Variants in CHMP3 observed in about 807,000 individuals in gnomAD.
CHMP3 encodes the protein 25.1 protein.
Under a neutral mutation model 27.4 loss-of-function variants are expected in CHMP3, and 8 were observed. The ratio of observed to expected loss-of-function variants is 0.29; its 90% CI spans 0.17 to 0.53. CHMP3 has a LOEUF of 0.53. Among genes scored for constraint, CHMP3 ranks in the 20% least tolerant of loss-of-function variants. The pLI is 0.96. For synonymous variants in CHMP3, 86 were observed against 85.5 expected (o/e 1.01, Z -0.03); for missense variants, 208 against 271.5 (o/e 0.77, Z 1.64).
intron 1 of CHMP3, among the ~76,000 whole-genome samples, chr2:86,559,514 T>C (rs1677264224): frequency 6.6e-6 from 1 of 152,258 alleles, no homozygotes; most frequent in Admixed American, 6.5e-5. Context: ...ATCCCTGCTT[T>C]ATTGGCACCT....
chr2:86,542,605 G>C (rs7608800), intron 1 of CHMP3, among the ~76,000 whole-genome samples: 29,760 of 152,102 alleles, frequency 0.2, 3,782 homozygotes, highest in African/African-American at 0.35. Flanking sequence ...ACAAAGATTT[G>C]AAGAGGTCCA....
At chr2:86,523,682 C>T (rs1198930980) in intron 3 of CHMP3, among the ~76,000 whole-genome samples, 6 of 152,178 alleles carry the variant, frequency 3.9e-5, no homozygotes, top group Non-Finnish European at 4.4e-5. Context: ...CTCCCTTCCA[C>T]TCTCTCCTCT....
Position 86,533,509 on chromosome 2 carries a change from A to AT in CHMP3, c.107-4113dup, listed in dbSNP as rs957762369. Among the ~76,000 whole-genome samples, 460 of 146,614 alleles carry AT rather than the reference A, an allele frequency of 3.1e-3. 6 individuals are homozygous for AT. The highest frequency in any genetic ancestry group is 0.01 in the African/African-American group (414 of 40,114). The stretch of plus-strand genomic sequence containing the variant: ...TTGAAAGCCAGGTTGCTCATCTGAG[A>AT]TTTTTTTTTTTGAGACAGGGTTTCA... On this transcript the variant is annotated intron_variant, in intron 2 of 5. Transcript: ENST00000263856.
intron 2 of CHMP3, among the ~76,000 whole-genome samples, chr2:86,530,793 T>A (rs1467847333): frequency 6.6e-6 from 1 of 152,246 alleles, no homozygotes; most frequent in South Asian, 2.1e-4. Context: ...ACTAACAGTA[T>A]ACAAAGTTCC....
At position 86,504,651 on chromosome 2, in the gene CHMP3, T is replaced by C. The variant is rs1386964066; in HGVS notation, c.*1153A>G. ...CATGAACCACCGCACCCAGCCAAGA[T>C]TGCCATTTTGTATGATGAGACTGGA... On this transcript the variant is annotated 3_prime_UTR_variant, in exon 6 of 6. Transcript: ENST00000263856. 6.6e-6 allele frequency: 1 copy of C among 151,874 alleles called. No homozygotes were observed. Among genetic ancestry groups the C allele is most frequent in the East Asian group, 1.9e-4 (1 of 5,168 alleles). The allele number at this position is 151,874 out of a possible 1,614,324, so 9.4% of individuals were successfully genotyped here.
chr2:86,549,692 G>C (rs1219735327), intron 1 of CHMP3, among the ~76,000 whole-genome samples: 1 of 146,168 alleles, frequency 6.8e-6, no homozygotes, highest in Non-Finnish European at 1.5e-5. Flanking sequence ...GCCGGGCAGA[G>C]ACGCCCCTCA....
rs60555193 is a variant in CHMP3 at position 86,535,994 on chromosome 2, C to CTTTTTTT, written c.106+6251_106+6257dup. On this transcript the variant is annotated intron_variant, in intron 2 of 5. Transcript: ENST00000263856. The stretch of plus-strand genomic sequence containing the variant: ...ACAAAAAGTAGAGTTATAAACCTTT[C>CTTTTTTT]TTTTTTTTTTTTTTTTTTTGAGACG... 2.0e-3 allele frequency among the ~76,000 whole-genome samples: 228 copies of CTTTTTTT among 111,504 alleles called. 5 individuals carry two copies. Among genetic ancestry groups the CTTTTTTT allele is most frequent in the East Asian group, 3.5e-3 (13 of 3,750 alleles). 73.2% of individuals were successfully genotyped at this position (111,504 alleles called of 152,430 possible).
chr2:86,518,825 GAGATAA>G (rs1338627529), intron 3 of CHMP3, among the ~76,000 whole-genome samples: 3 of 152,174 alleles, frequency 2.0e-5, no homozygotes, highest in African/African-American at 7.2e-5. Context: ...TACTGCAACT[GAGATAA>G]AGTTTAGCTG....
In CHMP3 at chr2:86,563,412, C is replaced by G. The variant is rs1034132565; in HGVS notation, c.-64G>C. ...TCCCCGCGCCCAGGCAGGTCACGGGCAGCCGCCTGGGCGGGGCCCGCGGAA... is the reference window on the plus strand; with the variant it reads ...TCCCCGCGCCCAGGCAGGTCACGGGGAGCCGCCTGGGCGGGGCCCGCGGAA... On this transcript the variant is annotated 5_prime_UTR_variant, in exon 1 of 6. Transcript: ENST00000263856. 4 of 1,586,922 alleles carry G rather than the reference C, an allele frequency of 2.5e-6. No homozygotes were observed. In the African/African-American group the frequency reaches 5.4e-5, roughly 21 times the overall value.
At chr2:86,536,956 G>A (rs1161052386) in intron 2 of CHMP3, among the ~76,000 whole-genome samples, 1 of 151,942 alleles carries the variant, frequency 6.6e-6, no homozygotes, top group Non-Finnish European at 1.5e-5. Flanking sequence ...GCAATGGCAT[G>A]ATCATGGCTT....
At position 86,516,126 on chromosome 2, in the gene CHMP3, G is replaced by A. The variant is rs148780397; in HGVS notation, c.287-5647C>T. On this transcript the variant is annotated intron_variant, in intron 3 of 5. Transcript: ENST00000263856. ...TCGCACCACTGCACTCCAGCCTGGC[G>A]ACAGAGCAAGACTCCATCTCAAAAA... is the stretch of plus-strand genomic sequence containing the variant. 7.0e-3 allele frequency among the ~76,000 whole-genome samples: 860 copies of A among 122,358 alleles called. 5 individuals are homozygous for A. The highest frequency in any genetic ancestry group is 0.025 in the African/African-American group (822 of 33,548). The allele number at this position is 122,358 out of a possible 152,430, so 80.3% of individuals were successfully genotyped here.
intron 2 of CHMP3, among the ~76,000 whole-genome samples, chr2:86,537,251 T>C (rs1198876419): frequency 6.6e-6 from 1 of 152,180 alleles, no homozygotes; most frequent in Non-Finnish European, 1.5e-5. Context: ...CCTGCTCAAA[T>C]ATGCTTTTGA....
At chr2:86,517,627 T>C (rs1383696777) in intron 3 of CHMP3, among the ~76,000 whole-genome samples, 1 of 150,674 alleles carries the variant, frequency 6.6e-6, no homozygotes, top group African/African-American at 2.4e-5. Flanking sequence ...AGTGAAAATA[T>C]TCTGAAAAGA....
At chr2:86,546,230 G>A (rs1299945468) in intron 1 of CHMP3, among the ~76,000 whole-genome samples, 3 of 152,036 alleles carry the variant, frequency 2.0e-5, no homozygotes, top group Non-Finnish European at 2.9e-5. Context: ...CAGGTGTGGC[G>A]GTGCGTGCCT....
At chr2:86,534,236 T>A (rs1054949021) in intron 2 of CHMP3, among the ~76,000 whole-genome samples, 1 of 142,092 alleles carries the variant, frequency 7.0e-6, no homozygotes, top group African/African-American at 2.7e-5. Context: ...ATGGAGCCTG[T>A]CTCCCAGGCT....
rs988553825 is a variant in CHMP3, at chr2:86,503,467, T to C, written c.*2337A>G. ...CTGAAGCTCTTGGTATTTATTCAAA[T>C]GAATTAAAAACATGCCCATAGAAAA... is the stretch of plus-strand genomic sequence containing the variant. On this transcript the variant is annotated 3_prime_UTR_variant, in exon 6 of 6. Coordinates refer to ENST00000263856, the MANE Select transcript of CHMP3 (RefSeq NM_016079.4). 6.6e-6 allele frequency: 1 copy of C among 152,172 alleles called. No homozygotes were observed. The highest frequency in any genetic ancestry group is 2.4e-5 in the African/African-American group (1 of 41,442). 9.4% of individuals were successfully genotyped at this position (152,172 alleles called of 1,614,324 possible).
chr2:86,518,659 C>T (rs1675406957), intron 3 of CHMP3, among the ~76,000 whole-genome samples: 1 of 151,954 alleles, frequency 6.6e-6, no homozygotes, highest in African/African-American at 2.4e-5. Context: ...CTAGGGTGTT[C>T]AGCAGCAGCC....
chr2:86,555,941 G>T (rs1244907078), intron 1 of CHMP3, among the ~76,000 whole-genome samples: 1 of 152,068 alleles, frequency 6.6e-6, no homozygotes, highest in African/African-American at 2.4e-5. Flanking sequence ...TGGGGGTGGG[G>T]AGCTTTTTCA....
chr2:86,519,199 C>T (rs940844330), intron 3 of CHMP3, among the ~76,000 whole-genome samples: 10 of 151,948 alleles, frequency 6.6e-5, no homozygotes, highest in African/African-American at 2.2e-4. Context: ...CATGGTGAAA[C>T]CCCATCTCTA....
Sources: gnomAD v4.1 joint callset for allele counts (sites outside exome capture counted in the v4.1 genomes callset) on GRCh38, gnomAD v4.1.1 for gene constraint, MANE v1.5 for transcripts, NCBI Gene and HGNC (gene_info 2026-07-23, HGNC 2026-07-21) for gene names.